CNPPD1: variants seen among roughly 807,000 people sequenced by gnomAD.
The protein encoded by CNPPD1 is cyclin Pas1/PHO80 domain containing 1, also known as protein CNPPD1.
Under a neutral mutation model 43.7 loss-of-function variants are expected in CNPPD1, and 40 were observed. The ratio of observed to expected loss-of-function variants is 0.92; its 90% CI spans 0.71 to 1.19. The LOEUF is 1.19. CNPPD1 is among the 50% of genes most tolerant of loss of function. The pLI is 0.00. For missense variants in CNPPD1, 511 were observed against 518.5 expected (o/e 0.99, Z 0.14); for synonymous variants, 208 against 214.3 (o/e 0.97, Z 0.26).
upstream of CNPPD1, chr2:219,178,124 T>G: frequency 4.1e-6 from 1 of 243,942 alleles, no homozygotes; most frequent in Non-Finnish European, 7.4e-6. Flanking sequence ...AACGAACCTG[T>G]GTAGGCGCAG....
At chr2:219,175,458 C>T in intron 3 of CNPPD1, 133 bp downstream of exon 3, 2 of 876,796 alleles carry the variant, frequency 2.3e-6, no homozygotes, top group Non-Finnish European at 3.6e-6. Flanking sequence ...GATTGTGCCA[C>T]TGCACTCCAG....
intron 5 of CNPPD1, 28 bp downstream of exon 5, chr2:219,174,750 C>A: frequency 6.5e-7 from 1 of 1,549,862 alleles, no homozygotes; most frequent in Non-Finnish European, 8.7e-7. Context: ...GCCAGGGAAA[C>A]TGAGCAAGAG....
chr2:219,176,504 G>A (rs1331017574), intron 1 of CNPPD1, 173 bp from the exon 2 acceptor site: 1 of 630,972 alleles, frequency 1.6e-6, no homozygotes, highest in African/African-American at 1.8e-5. Context: ...CTGGTCCATA[G>A]AGGGAGGAAT....
chr2:219,172,971 G>A lies in CNPPD1; in HGVS notation c.848C>T (p.Pro283Leu), dbSNP rs147997504. ...AGACGGCAGGCATTGTGGCACAGAA[G>A]GTATGCAGGGCTCCAGGAGGCAACG... ...TSRCLLEPCIPSVPQCLPSLA... is the reference protein window; with the variant it reads ...TSRCLLEPCILSVPQCLPSLA... The change falls in exon 8 of 8, where the codon CCT becomes CTT. Residue 283 changes from proline (P) to leucine (L), a missense_variant. Pro to Leu is a moderately conservative substitution (Grantham distance 98). Transcript: ENST00000360507. The A allele has an allele frequency of 3.7e-6, 6 of 1,613,812 alleles. No individual in the cohort carries two copies. The African/African-American group carries it at 5.3e-5, about 14-fold the overall frequency.
At position 219,175,636 on chromosome 2, in the gene CNPPD1, C is replaced by T. The variant is rs1024604172; in HGVS notation, c.215G>A (p.Ser72Asn). The T allele has an allele frequency of 2.5e-6, 4 of 1,613,986 alleles. No homozygotes were observed. Among genetic ancestry groups the T allele is most frequent in the Admixed American group, 3.3e-5 (2 of 60,020 alleles). Residue 72 changes from serine to asparagine, a missense_variant, in exon 3 of 8, where the codon AGC becomes AAC. Coordinates refer to ENST00000360507, the MANE Select transcript of CNPPD1 (RefSeq NM_015680.6). ...TTTCTTCTGGAGTCGGCGAATAGGG[C>T]TGGGGGCTGCCTTCTGGAGCAGTTC... ...AVELLQKAAP[S>N]PIRRLQKKYV... is the part of the protein sequence containing the mutation.
rs564420606 is a variant in CNPPD1 at position 219,173,563 on chromosome 2, G to C, written c.573-96C>G. 9 of 1,040,148 alleles carry C rather than the reference G, an allele frequency of 8.7e-6. No homozygotes were observed. The South Asian group carries it at 1.2e-4, about 14-fold the overall frequency. 64.4% of individuals were successfully genotyped at this position (1,040,148 alleles called of 1,614,324 possible). Reference sequence around the variant, plus strand: ...CTCAGGACCCACCAGGAAACACTGGGAAGCCTGTTAAACCCAGATTCCTAG... The same window carrying C: ...CTCAGGACCCACCAGGAAACACTGGCAAGCCTGTTAAACCCAGATTCCTAG... On this transcript the variant is annotated intron_variant, in intron 6 of 7. Transcript: ENST00000360507.
chr2:219,176,750 C>T lies in CNPPD1; in HGVS notation c.69+10G>A. 2 of 1,564,066 alleles carry T rather than the reference C, an allele frequency of 1.3e-6. No individual in the cohort carries two copies. Among genetic ancestry groups the T allele is most frequent in the East Asian group, 2.4e-5 (1 of 41,996 alleles). On this transcript the variant is annotated intron_variant, in intron 1 of 7. Coordinates refer to ENST00000360507, the MANE Select transcript of CNPPD1 (RefSeq NM_015680.6). ...CGGGAGGCCGGGGAGGGGGCGGGAC[C>T]CCCACTCACCGTGAAGTCCTGGAAG...
At chr2:219,175,176 C>G in intron 3 of CNPPD1, 68 bp from the exon 4 acceptor site, 1 of 1,505,196 alleles carries the variant, frequency 6.6e-7, no homozygotes, top group Non-Finnish European at 8.8e-7. Context: ...TTATGATGCT[C>G]GTTCCTGTCT....
chr2:219,173,605 G>A (rs1574769719), intron 6 of CNPPD1, 138 bp from the exon 7 acceptor site: 3 of 588,258 alleles, frequency 5.1e-6, no homozygotes, highest in Non-Finnish European at 3.0e-6. Flanking sequence ...TGCTGATCTA[G>A]AAACTAAGGG....
intron 2 of CNPPD1, 108 bp from the exon 3 acceptor site, chr2:219,175,780 G>T: frequency 1.1e-6 from 1 of 900,126 alleles, no homozygotes; most frequent in Non-Finnish European, 1.8e-6. Context: ...GAGGCCTTGG[G>T]GACAGGACCA....
Position 219,172,673 on chromosome 2 carries a change from C to T in CNPPD1, c.1146G>A (p.Val382=), listed in dbSNP as rs368212135. ...GLAPPWPWSP[V]LLSLPQPQQC... Reference sequence around the variant, plus strand: ...GCTGAGGCTGAGGAAGTGAAAGGAGCACCGGGCTCCAAGGCCAGGGGGGAG... The same window carrying T: ...GCTGAGGCTGAGGAAGTGAAAGGAGTACCGGGCTCCAAGGCCAGGGGGGAG... The change falls in exon 8 of 8, where the codon GTG becomes GTA. Residue 382 remains valine, a synonymous_variant. Transcript: ENST00000360507. 62 of 1,614,078 alleles carry T rather than the reference C, an allele frequency of 3.8e-5. No individual in the cohort carries two copies. In the African/African-American group the frequency reaches 6.7e-4, roughly 17 times the overall value.
intron 6 of CNPPD1, 82 bp from the exon 7 acceptor site, chr2:219,173,549 C>G (rs73074980): frequency 1.7e-6 from 2 of 1,178,856 alleles, no homozygotes; most frequent in South Asian, 1.4e-5. Context: ...TCAGGACCCA[C>G]CAGGAAACAC....
upstream of CNPPD1, chr2:219,178,153 G>A: frequency 3.4e-6 from 1 of 293,832 alleles, no homozygotes; most frequent in Non-Finnish European, 6.2e-6. Flanking sequence ...GCAGCCGCCG[G>A]GGCGCATGCG....
At chr2:219,174,033 T>A in intron 6 of CNPPD1, 113 bp downstream of exon 6, 1 of 1,031,952 alleles carries the variant, frequency 9.7e-7, no homozygotes, top group Non-Finnish European at 1.5e-6. Flanking sequence ...TGGGCAATTC[T>A]CTTTCTTGTC....
At position 219,175,087 on chromosome 2, in the gene CNPPD1, A is replaced by G. The variant is rs755020694; in HGVS notation, c.282T>C (p.Cys94=). 3 of 1,606,810 alleles carry G rather than the reference A, an allele frequency of 1.9e-6. No individual in the cohort carries two copies. In the South Asian group the frequency reaches 3.3e-5, roughly 18 times the overall value. Residue 94 remains cysteine, a synonymous_variant, in exon 4 of 8, where the codon TGT becomes TGC. Transcript: ENST00000360507. ...TGTACACCAGAGCCAGCATCATAGC[A>G]CATGGGGAGATGCATGCCTCCCTGG... ...HVSREACISP[C]AMMLALVYIE...
In CNPPD1 at chr2:219,172,869, G is replaced by T; in HGVS notation, c.950C>A (p.Thr317Asn). The T allele has an allele frequency of 6.3e-7, 1 of 1,595,292 alleles. No homozygotes were observed. The highest frequency in any genetic ancestry group is 8.5e-7 in the Non-Finnish European group (1 of 1,169,832). Residue 317 changes from threonine to asparagine, a missense_variant, in exon 8 of 8, where the codon ACT becomes AAT. Transcript: ENST00000360507. ...GTCTGGGGGAGGCAATGGTGGAGGA[G>T]TCAGTGAGGCCAGAAGACTGCCCCA... ...SLWGSLLASL[T>N]PPPLPPPDPP...
intron 6 of CNPPD1, among the ~76,000 whole-genome samples, chr2:219,173,830 A>G (rs1254419321): frequency 6.6e-6 from 1 of 152,030 alleles, no homozygotes; most frequent in Non-Finnish European, 1.5e-5. Context: ...TGGTAGGGTC[A>G]GGCATCTTGC....
In CNPPD1 at chr2:219,172,670, G is replaced by C. The variant is rs747308457; in HGVS notation, c.1149C>G (p.Leu383=). Residue 383 remains leucine (L), a synonymous_variant, in exon 8 of 8, where the codon CTC becomes CTG. Transcript: ENST00000360507. ...ATTGCTGAGGCTGAGGAAGTGAAAG[G>C]AGCACCGGGCTCCAAGGCCAGGGGG... ...LAPPWPWSPV[L]LSLPQPQQCS... is the part of the protein sequence containing the mutation. 3.0e-5 allele frequency: 49 copies of C among 1,614,012 alleles called. No homozygotes were observed. The highest frequency in any genetic ancestry group is 4.1e-5 in the Non-Finnish European group (48 of 1,180,012).
upstream of CNPPD1, chr2:219,177,283 C>G (rs1310293311): frequency 6.5e-6 from 1 of 154,750 alleles, no homozygotes; most frequent in African/African-American, 2.5e-5. Context: ...AACTCCTGGT[C>G]TCACGGAACG....
Sources: gnomAD v4.1 joint callset for allele counts (sites outside exome capture counted in the v4.1 genomes callset) on GRCh38, gnomAD v4.1.1 for gene constraint, MANE v1.5 for transcripts, NCBI Gene and HGNC (gene_info 2026-07-23, HGNC 2026-07-21) for gene names.